Variants in CHMP5 observed in about 807,000 individuals in gnomAD.
The protein encoded by CHMP5 is SNF7 domain containing 2.
CHMP5 carries 17 observed loss-of-function variants against 33.0 expected under a neutral mutation model. That is an observed-to-expected ratio of 0.52 (90% confidence interval 0.35 to 0.77). The LOEUF (loss-of-function observed/expected upper bound fraction) is 0.77, where lower values mean the gene tolerates loss of function less well. Ranked by LOEUF, CHMP5 falls within the 30% of genes least tolerant of loss-of-function variation. The pLI, the probability that CHMP5 is intolerant of heterozygous loss-of-function variation, is 0.01. For synonymous variants in CHMP5, 76 were observed against 90.2 expected (o/e 0.84, Z 0.89); for missense variants, 216 against 261.5 (o/e 0.83, Z 1.20).
chr9:33,277,206 A>G (rs1346318531), intron 6 of CHMP5, among the ~76,000 whole-genome samples: 1 of 151,662 alleles, frequency 6.6e-6, no homozygotes, highest in East Asian at 1.9e-4. Context: ...AAAAAAAAAA[A>G]AAAAAAAAGA....
At position 33,270,712 on chromosome 9, in the gene CHMP5, C is replaced by G. The variant is rs776397972; in HGVS notation, c.311C>G (p.Thr104Ser). 1.1e-5 allele frequency: 18 copies of G among 1,601,500 alleles called. No homozygotes were observed. The East Asian group carries it at 4.0e-4, about 36-fold the overall frequency. Reference protein sequence around the residue: ...YTIQSLKDTKTTVDAMKLGVK... With the variant: ...YTIQSLKDTKSTVDAMKLGVK... ...ATCCAGTCTTTGAAGGACACCAAGA[C>G]CACGGTACTCCCAAAACACCTTTTC... Residue 104 changes from threonine (T) to serine (S), a missense_variant, in exon 4 of 8, where the codon ACC becomes AGC. Physicochemically the swap from Thr to Ser is moderately conservative, Grantham distance 58. Transcript: ENST00000223500.
At chr9:33,269,574 A>C (rs1287224945) in intron 3 of CHMP5, among the ~76,000 whole-genome samples, 1 of 152,210 alleles carries the variant, frequency 6.6e-6, no homozygotes, top group African/African-American at 2.4e-5. Flanking sequence ...AATTCTGGAA[A>C]ACCATTTAGC....
rs978578975 is a variant in CHMP5 at position 33,279,812 on chromosome 9, G to A, written c.610-997G>A. On this transcript the variant is annotated intron_variant, in intron 7 of 7. Transcript: ENST00000223500. ...CGGGAGGCGGAGCTTGCAGTGAGCC[G>A]AGGTCGTGCCATTGTACCACTCCAG... Among the ~76,000 whole-genome samples, 8 of 145,616 alleles carry A rather than the reference G, an allele frequency of 5.5e-5. No homozygotes were observed. The East Asian group carries it at 1.0e-3, about 19-fold the overall frequency.
chr9:33,272,814 G>C (rs961999816), intron 5 of CHMP5, among the ~76,000 whole-genome samples: 5 of 151,728 alleles, frequency 3.3e-5, no homozygotes, highest in Non-Finnish European at 7.4e-5. Flanking sequence ...AAAAATAAAA[G>C]AGTGAAGGCA....
chr9:33,269,199 G>A (rs1464258238), intron 3 of CHMP5, among the ~76,000 whole-genome samples: 1 of 152,102 alleles, frequency 6.6e-6, no homozygotes, highest in Non-Finnish European at 1.5e-5. Context: ...CTAATTATGG[G>A]TGCAAAATTA....
intron 6 of CHMP5, among the ~76,000 whole-genome samples, chr9:33,277,415 A>G (rs912444871): frequency 2.0e-5 from 3 of 152,148 alleles, no homozygotes; most frequent in African/African-American, 7.2e-5. Flanking sequence ...ATGGGAGCAC[A>G]TACTAAGGGA....
intron 1 of CHMP5, 55 bp from the exon 2 acceptor site, chr9:33,265,955 T>G (rs1820714133): frequency 3.4e-6 from 4 of 1,170,086 alleles, no homozygotes; most frequent in Non-Finnish European, 5.1e-6. Flanking sequence ...TACCTGCCCC[T>G]TCTGGAATAA....
At chr9:33,279,060 G>A (rs756763404) in intron 7 of CHMP5, among the ~76,000 whole-genome samples, 10 of 152,096 alleles carry the variant, frequency 6.6e-5, no homozygotes, top group Non-Finnish European at 4.4e-5. Flanking sequence ...AGGTAGCTGC[G>A]ATTACAGGTG....
intron 7 of CHMP5, 42 bp from the exon 8 acceptor site, chr9:33,280,767 A>G: frequency 6.6e-7 from 1 of 1,525,482 alleles, no homozygotes; most frequent in Non-Finnish European, 8.9e-7. Flanking sequence ...TTTTTTATCA[A>G]ATAGAAAAAT....
chr9:33,267,921 T>A, intron 3 of CHMP5, 22 bp downstream of exon 3: 1 of 1,568,348 alleles, frequency 6.4e-7, no homozygotes, highest in Non-Finnish European at 8.8e-7. Flanking sequence ...ACACAATTTC[T>A]ACCTCTAGCA....
chr9:33,270,560 A>C, intron 3 of CHMP5, 63 bp from the exon 4 acceptor site: 1 of 1,248,126 alleles, frequency 8.0e-7, no homozygotes, highest in Non-Finnish European at 1.2e-6. Context: ...GTGTGGGGAT[A>C]CTTTGTTCTT....
At chr9:33,268,134 T>A (rs1820751555) in intron 3 of CHMP5, among the ~76,000 whole-genome samples, 1 of 152,242 alleles carries the variant, frequency 6.6e-6, no homozygotes, top group African/African-American at 2.4e-5. Context: ...ATACAGTAGC[T>A]ATTAGCAACA....
intron 7 of CHMP5, among the ~76,000 whole-genome samples, chr9:33,278,528 C>T (rs1376565621): frequency 2.0e-5 from 3 of 152,202 alleles, no homozygotes; most frequent in Non-Finnish European, 2.9e-5. Flanking sequence ...CCTGTAAAAG[C>T]GTAAGCAACA....
chr9:33,272,401 A>T (rs1205583607), intron 5 of CHMP5, among the ~76,000 whole-genome samples: 1 of 152,018 alleles, frequency 6.6e-6, no homozygotes, highest in Non-Finnish European at 1.5e-5. Context: ...AGCAAAAAAA[A>T]AAAAAAAAAG....
At chr9:33,272,086 G>A (rs996776535) in intron 5 of CHMP5, among the ~76,000 whole-genome samples, 1 of 152,102 alleles carries the variant, frequency 6.6e-6, no homozygotes, top group African/African-American at 2.4e-5. Flanking sequence ...TTGGAATTGG[G>A]TTTTGACCAG....
intron 3 of CHMP5, among the ~76,000 whole-genome samples, chr9:33,270,333 G>A (rs927287030): frequency 6.6e-6 from 1 of 152,264 alleles, no homozygotes; most frequent in Non-Finnish European, 1.5e-5. Context: ...ATTGTCTGAT[G>A]TTTGCACAAT....
Position 33,278,202 on chromosome 9 carries a change from G to A in CHMP5, c.586G>A (p.Val196Ile), listed in dbSNP as rs1351608026. Residue 196 changes from valine (V) to isoleucine (I), a missense_variant, in exon 7 of 8, where the codon GTT becomes ATT. Physicochemically the swap from Val to Ile is conservative, Grantham distance 29. Transcript: ENST00000223500. Reference sequence around the variant, plus strand: ...ATCTGCACCTGCAATTCCAGAAGGTGTTCCCACTGATACAAAAAACAAGGT... The same window carrying A: ...ATCTGCACCTGCAATTCCAGAAGGTATTCCCACTGATACAAAAAACAAGGT... The part of the protein sequence containing the change: ...AASAPAIPEG[V>I]PTDTKNKDGV... The A allele has an allele frequency of 2.5e-6, 4 of 1,609,982 alleles. No homozygotes were observed. Among genetic ancestry groups the A allele is most frequent in the African/African-American group, 2.7e-5 (2 of 74,872 alleles).
chr9:33,274,510 G>A (rs1820830299), intron 5 of CHMP5, among the ~76,000 whole-genome samples: 1 of 152,060 alleles, frequency 6.6e-6, no homozygotes, highest in Non-Finnish European at 1.5e-5. Flanking sequence ...TTGTTGTTCC[G>A]CACATAATTA....
chr9:33,270,517 TTCC>T, intron 3 of CHMP5, 103 bp from the exon 4 acceptor site: 1 of 936,898 alleles, frequency 1.1e-6, no homozygotes, highest in East Asian at 2.5e-5. Flanking sequence ...AAGTTTTTTG[TTCC>T]GTTGTTTTTT....
Sources: allele counts gnomAD v4.1 joint callset (sites outside exome capture counted in the v4.1 genomes callset), GRCh38; gene constraint gnomAD v4.1.1; transcripts MANE v1.5; gene names NCBI Gene and HGNC (gene_info 2026-07-23, HGNC 2026-07-21).